The following SLC10A4 variants were observed in gnomAD, a reference collection of about 807,000 sequenced individuals.
The protein encoded by SLC10A4 is solute carrier family 10 member 4, also known as putative sodium/bile acid cotransporter 4.
A neutral mutation model predicts 22.5 loss-of-function variants in SLC10A4; 17 were observed. The ratio of observed to expected loss-of-function variants is 0.76; its 90% confidence interval spans 0.52 to 1.14. The LOEUF is 1.14. SLC10A4 is among the 50% of genes most tolerant of loss of function. SLC10A4 has a pLI of 0.00. For missense variants in SLC10A4, 548 were observed against 584.0 expected (o/e 0.94, Z 0.64); for synonymous variants, 257 against 258.2 (o/e 1.00, Z 0.04).
At chr4:48,488,328 T>A in intron 2 of SLC10A4, 99 bp from the exon 3 acceptor site, 1 of 1,063,686 alleles carries the variant, frequency 9.4e-7, no homozygotes, top group Non-Finnish European at 1.3e-6. Context: ...CTCCATTTTG[T>A]GTTGGAGAGC....
intron 2 of SLC10A4, among the ~76,000 whole-genome samples, chr4:48,486,816 C>A (rs1718290289): frequency 6.6e-6 from 1 of 152,078 alleles, no homozygotes; most frequent in Admixed American, 6.6e-5. Context: ...CTGGTTTCTG[C>A]CAATTATGCA....
In SLC10A4 at chr4:48,488,710, T is replaced by C. The variant is rs1490268956; in HGVS notation, c.1085T>C (p.Met362Thr). The C allele has an allele frequency of 1.2e-6, 2 of 1,614,060 alleles. No individual in the cohort carries two copies. The highest frequency in any genetic ancestry group is 1.3e-5 in the African/African-American group (1 of 75,064). Residue 362 changes from methionine to threonine, a missense_variant, in exon 3 of 3, where the codon ATG becomes ACG. Transcript: ENST00000273861. ...CCGCAATTCATAGGAAGCATGTACATGTTTCCTTTGCTGTATGCACTTTTC... is the reference window on the plus strand; with the variant it reads ...CCGCAATTCATAGGAAGCATGTACACGTTTCCTTTGCTGTATGCACTTTTC... ...FPPQFIGSMY[M>T]FPLLYALFQS...
intron 2 of SLC10A4, among the ~76,000 whole-genome samples, chr4:48,486,785 T>C (rs559032401): frequency 1.3e-5 from 2 of 152,178 alleles, no homozygotes; most frequent in Non-Finnish European, 2.9e-5. Context: ...TTTGAAATGG[T>C]ATGCTTTTAC....
At position 48,488,720 on chromosome 4, in the gene SLC10A4, G is replaced by A; in HGVS notation, c.1095G>A (p.Leu365=). The part of the protein sequence containing the change: ...QFIGSMYMFP[L]LYALFQSAEA... The stretch of plus-strand genomic sequence containing the variant: ...TAGGAAGCATGTACATGTTTCCTTT[G>A]CTGTATGCACTTTTCCAGTCTGCAG... The change falls in exon 3 of 3, where the codon TTG becomes TTA. Residue 365 remains leucine (L), a synonymous_variant. Coordinates refer to ENST00000273861, the MANE Select transcript of SLC10A4 (RefSeq NM_152679.4). The A allele has an allele frequency of 6.2e-7, 1 of 1,613,920 alleles. No individual in the cohort carries two copies. The highest frequency in any genetic ancestry group is 1.1e-5 in the South Asian group (1 of 91,076).
At position 48,483,780 on chromosome 4, in the gene SLC10A4, C is replaced by T; in HGVS notation, c.219C>T (p.Leu73=). The change falls in exon 1 of 3, where the codon CTC becomes CTT. Residue 73 remains leucine (L), a synonymous_variant. Coordinates refer to ENST00000273861, the MANE Select transcript of SLC10A4 (RefSeq NM_152679.4). This position sits in a 1 kb window ranked among gnomAD's most constrained non-coding sequence, Gnocchi z 5.4. ...TPTPEPTTSG[L]AGGAASHGPS... is the part of the protein sequence containing the mutation. ...CCCCGGAGCCCACGACCAGCGGCCTCGCGGGCGGCGCGGCGAGCCACGGCC... is the reference window on the plus strand; with the variant it reads ...CCCCGGAGCCCACGACCAGCGGCCTTGCGGGCGGCGCGGCGAGCCACGGCC... The T allele has an allele frequency of 6.7e-7, 1 of 1,497,228 alleles. No homozygotes were observed. The highest frequency in any genetic ancestry group is 1.3e-5 in the South Asian group (1 of 79,110). The allele number at this position is 1,497,228 out of a possible 1,614,324, so 92.7% of individuals were successfully genotyped here.
Position 48,483,589 on chromosome 4 carries a change from C to T in SLC10A4, c.28C>T (p.Leu10Phe). 1 of 1,505,080 alleles carries T rather than the reference C, an allele frequency of 6.6e-7. No individual in the cohort carries two copies. Among genetic ancestry groups the T allele is most frequent in the Non-Finnish European group, 8.8e-7 (1 of 1,130,786 alleles). The allele number at this position is 1,505,080 out of a possible 1,614,324, so 93.2% of individuals were successfully genotyped here. ...GGACGGCAACGACAACGTGACCCTG[C>T]TCTTCGCCCCTCTGCTGCGGGACAA... MDGNDNVTL[L>F]FAPLLRDNYT... is the part of the protein sequence containing the mutation. The change falls in exon 1 of 3, where the codon CTC becomes TTC. Residue 10 changes from leucine to phenylalanine, a missense_variant. By Grantham distance (22) the Leu-to-Phe change is conservative. Around this residue, in one of 3 missense-constraint regions of SLC10A4, gnomAD observed 225 missense variants for 206.9 expected, o/e 1.09. Coordinates refer to ENST00000273861, the MANE Select transcript of SLC10A4 (RefSeq NM_152679.4). The surrounding 1 kb of genome is among the most constrained non-coding windows in gnomAD (Gnocchi z 5.4).
In SLC10A4 at chr4:48,488,588, C is replaced by T; in HGVS notation, c.963C>T (p.Leu321=). The change falls in exon 3 of 3, where the codon CTC becomes CTT. Residue 321 remains leucine, a synonymous_variant. Transcript: ENST00000273861. ...CTTCAGGTTATGGTTTAGCTACTCT[C>T]TTCCATCTTCCACCCAACTGCAAGA... The part of the protein sequence containing the change: ...GYASGYGLAT[L]FHLPPNCKRT... The T allele has an allele frequency of 6.2e-7, 1 of 1,614,008 alleles. No individual in the cohort carries two copies. Among genetic ancestry groups the T allele is most frequent in the Non-Finnish European group, 8.5e-7 (1 of 1,180,002 alleles).
Position 48,484,235 on chromosome 4 carries a change from A to C in SLC10A4, c.590+84A>C, listed in dbSNP as rs959792194. Reference sequence around the variant, plus strand: ...TGGGCTCACGACGAAGGACAGAGGCAGTGGAGGGGTTGGAATTAGGCGTGG... The same window carrying C: ...TGGGCTCACGACGAAGGACAGAGGCCGTGGAGGGGTTGGAATTAGGCGTGG... On this transcript the variant is annotated intron_variant, in intron 1 of 2. Coordinates refer to ENST00000273861, the MANE Select transcript of SLC10A4 (RefSeq NM_152679.4). The C allele has an allele frequency of 3.0e-6, 4 of 1,346,288 alleles. No homozygotes were observed. In the African/African-American group the frequency reaches 5.9e-5, roughly 20 times the overall value. The allele number at this position is 1,346,288 out of a possible 1,614,324, so 83.4% of individuals were successfully genotyped here. A position where few individuals can be genotyped will look rare whatever the true frequency, so the allele number is the denominator to read the frequency against.
intron 1 of SLC10A4, among the ~76,000 whole-genome samples, chr4:48,484,448 CGCAG>C (rs1560480087): frequency 6.6e-6 from 1 of 152,184 alleles, no homozygotes; most frequent in Non-Finnish European, 1.5e-5. Flanking sequence ...GGGGTGGCAG[CGCAG>C]GTCGTTGTCC....
Position 48,484,134 on chromosome 4 carries a change from CG to C in SLC10A4, c.575del (p.Gly192AlafsTer3). ...CCAATCTTATGTCCCTGCTGGTTGACGGCGACATGAACCTCAGGTACGGATC... is the reference window on the plus strand; with the variant it reads ...CCAATCTTATGTCCCTGCTGGTTGACGCGACATGAACCTCAGGTACGGATC... ...LSNLMSLLVD[G>X]DMNLSIIMTI... On this transcript the variant is annotated frameshift_variant, in exon 1 of 3. Transcript: ENST00000273861. LOFTEE classifies it high-confidence loss of function. 1 of 1,579,746 alleles carries C rather than the reference CG, an allele frequency of 6.3e-7. No individual in the cohort carries two copies. Among genetic ancestry groups the C allele is most frequent in the Non-Finnish European group, 8.6e-7 (1 of 1,160,132 alleles).
Position 48,488,792 on chromosome 4 carries a change from G to A in SLC10A4, c.1167G>A (p.Met389Ile). The change falls in exon 3 of 3, where the codon ATG becomes ATA. Residue 389 changes from methionine (M) to isoleucine (I), a missense_variant. Met to Ile is a conservative substitution (Grantham distance 10). Transcript: ENST00000273861. ...TCTATAAAATGTATGGAAGTGAAATGTTGCACAAGCGAGATCCTCTAGATG... is the reference window on the plus strand; with the variant it reads ...TCTATAAAATGTATGGAAGTGAAATATTGCACAAGCGAGATCCTCTAGATG... ...VLIYKMYGSE[M>I]LHKRDPLDED... 6.2e-7 allele frequency: 1 copy of A among 1,614,006 alleles called. No individual in the cohort carries two copies. Among genetic ancestry groups the A allele is most frequent in the African/African-American group, 1.3e-5 (1 of 75,024 alleles).
chr4:48,487,866 G>A (rs553587107), intron 2 of SLC10A4, among the ~76,000 whole-genome samples: 107 of 134,044 alleles, frequency 8.0e-4, no homozygotes, highest in African/African-American at 2.8e-3. Context: ...GTGCAGTGGC[G>A]CGATCTCTGC....
In SLC10A4 at chr4:48,483,894, C is replaced by T. The variant is rs756012695; in HGVS notation, c.333C>T (p.Ala111=). The change falls in exon 1 of 3, where the codon GCC becomes GCT. Residue 111 remains alanine (A), a synonymous_variant. Transcript: ENST00000273861. This position sits in a 1 kb window ranked among gnomAD's most constrained non-coding sequence, Gnocchi z 5.4. ...LNHGLNVFVG[A]ALCITMLGLG... ...ACGGGCTGAACGTGTTCGTGGGCGC[C>T]GCCCTGTGCATCACCATGCTGGGCC... The T allele has an allele frequency of 1.9e-6, 3 of 1,544,462 alleles. No individual in the cohort carries two copies. Among genetic ancestry groups the T allele is most frequent in the East Asian group, 2.4e-5 (1 of 40,922 alleles).
chr4:48,484,956 G>A lies in SLC10A4; in HGVS notation c.615G>A (p.Thr205=), dbSNP rs766625933. 21 of 1,613,540 alleles carry A rather than the reference G, an allele frequency of 1.3e-5. No homozygotes were observed. The highest frequency in any genetic ancestry group is 1.7e-5 in the Non-Finnish European group (20 of 1,179,778). Reference sequence around the variant, plus strand: ...GCATCATCATGACCATCTCCTCCACGCTTCTGGCCCTCGTCTTGATGCCCC... The same window carrying A: ...GCATCATCATGACCATCTCCTCCACACTTCTGGCCCTCGTCTTGATGCCCC... The part of the protein sequence containing the change: ...NLSIIMTISS[T]LLALVLMPLC... Residue 205 remains threonine (T), a synonymous_variant, in exon 2 of 3, where the codon ACG becomes ACA. Coordinates refer to ENST00000273861, the MANE Select transcript of SLC10A4 (RefSeq NM_152679.4).
Position 48,488,921 on chromosome 4 carries a change from C to T in SLC10A4, c.1296C>T (p.Thr432=), listed in dbSNP as rs369395977. The stretch of plus-strand genomic sequence containing the variant: ...CAGAAAATATAATAATGATGGAAAC[C>T]GCTCAGACTTCTCTCTAAATGTGGA... ...VKAENIIMME[T]AQTSL Residue 432 remains threonine, a synonymous_variant, in exon 3 of 3, where the codon ACC becomes ACT. Coordinates refer to ENST00000273861, the MANE Select transcript of SLC10A4 (RefSeq NM_152679.4). 2.9e-5 allele frequency: 46 copies of T among 1,594,728 alleles called. No homozygotes were observed. In the Admixed American group the frequency reaches 3.9e-4, roughly 14 times the overall value.
In SLC10A4 at chr4:48,488,997, T is replaced by C; in HGVS notation, c.*58T>C. Reference sequence around the variant, plus strand: ...GAAATATTGCTTCATATTTATAGCCTGTGGTAGTGCACATGGTTAACATAA... The same window carrying C: ...GAAATATTGCTTCATATTTATAGCCCGTGGTAGTGCACATGGTTAACATAA... On this transcript the variant is annotated 3_prime_UTR_variant, in exon 3 of 3. Transcript: ENST00000273861. 7.3e-6 allele frequency: 11 copies of C among 1,507,986 alleles called. No homozygotes were observed. Among genetic ancestry groups the C allele is most frequent in the Non-Finnish European group, 9.8e-6 (11 of 1,127,016 alleles). The allele number at this position is 1,507,986 out of a possible 1,614,324, so 93.4% of individuals were successfully genotyped here.
rs901328274 is a variant in SLC10A4 at position 48,489,428 on chromosome 4, T to C, written c.*489T>C. On this transcript the variant is annotated 3_prime_UTR_variant, in exon 3 of 3. Transcript: ENST00000273861. ...AGGTCAGTTAAATAAGGAAATATAG[T>C]ATTTGTCAAACCAGTATCAGAGAAA... Among the ~76,000 whole-genome samples the C allele has an allele frequency of 8.5e-5, 13 of 152,222 alleles. No individual in the cohort carries two copies. The highest frequency in any genetic ancestry group is 3.1e-4 in the African/African-American group (13 of 41,454).
At position 48,485,038 on chromosome 4, in the gene SLC10A4, C is replaced by T; in HGVS notation, c.697C>T (p.Pro233Ser). The T allele has an allele frequency of 6.2e-7, 1 of 1,614,128 alleles. No homozygotes were observed. Residue 233 changes from proline to serine, a missense_variant, in exon 2 of 3, where the codon CCC becomes TCC. Around this residue, in one of 3 missense-constraint regions of SLC10A4, gnomAD observed 314 missense variants for 353.2 expected, o/e 0.89. Coordinates refer to ENST00000273861, the MANE Select transcript of SLC10A4 (RefSeq NM_152679.4). The part of the protein sequence containing the change: ...WINTPIVQLL[P>S]LGTVTLTLCS... ...CAACACCCCTATCGTGCAGTTACTA[C>T]CCCTAGGGACCGTGACCCTGACTCT...
At position 48,483,490 on chromosome 4, in the gene SLC10A4, G is replaced by A. The variant is rs1718216198; in HGVS notation, c.-72G>A. ...ACCGACGGGCAGAACGACGGGCGGCGACTGCGGCGACCGCGGGACGGCGAG... is the reference window on the plus strand; with the variant it reads ...ACCGACGGGCAGAACGACGGGCGGCAACTGCGGCGACCGCGGGACGGCGAG... On this transcript the variant is annotated 5_prime_UTR_variant, in exon 1 of 3. Coordinates refer to ENST00000273861, the MANE Select transcript of SLC10A4 (RefSeq NM_152679.4). This position sits in a 1 kb window ranked among gnomAD's most constrained non-coding sequence, Gnocchi z 5.4. The A allele has an allele frequency of 1.6e-6, 2 of 1,289,166 alleles. No individual in the cohort carries two copies. The highest frequency in any genetic ancestry group is 3.2e-5 in the East Asian group (1 of 31,320). 79.9% of individuals were successfully genotyped at this position (1,289,166 alleles called of 1,614,324 possible).
Sources: gnomAD v4.1 joint callset for allele counts (sites outside exome capture counted in the v4.1 genomes callset) on GRCh38, gnomAD v4.1.1 for gene constraint, gnomAD v4.1.1 regional missense constraint, Gnocchi (gnomAD v3.1) non-coding constraint, MANE v1.5 for transcripts, NCBI Gene and HGNC (gene_info 2026-07-23, HGNC 2026-07-21) for gene names.